The following XKR9 variants were observed in gnomAD, a reference collection of about 807,000 sequenced individuals.
The protein encoded by XKR9 is XK related 9.
A neutral mutation model predicts 32.0 loss-of-function variants in XKR9; 32 were observed. The observed-to-expected ratio is 1.00, with a 90% CI of 0.76 to 1.34. XKR9 has a LOEUF of 1.34. Ranked by LOEUF, XKR9 falls within the 40% of genes most tolerant of loss-of-function variation. The probability of loss-of-function intolerance (pLI) is 0.00; values close to 1 mark genes in which losing one functional copy is unlikely to be tolerated. For missense variants in XKR9, 546 were observed against 429.7 expected (o/e 1.27, Z -2.39); for synonymous variants, 168 against 143.4 (o/e 1.17, Z -1.22).
At chr8:70,898,393 T>C in the XKR9 span, among the ~76,000 whole-genome samples, 2 of 152,220 alleles carry the variant, frequency 1.3e-5, no homozygotes, top group Non-Finnish European at 2.9e-5. Context: ...CAGCTTTGGC[T>C]ATTCTGGGTC....
intron 4 of XKR9, among the ~76,000 whole-genome samples, chr8:70,714,702 G>C (rs1167412805): frequency 6.6e-6 from 1 of 152,004 alleles, no homozygotes; most frequent in East Asian, 1.9e-4. Flanking sequence ...TAGGTAAAGT[G>C]ACTAATTTTA....
chr8:70,771,590 GC>G (rs1413764672), intron 2 of XKR9, among the ~76,000 whole-genome samples: 2 of 152,278 alleles, frequency 1.3e-5, no homozygotes, highest in East Asian at 3.9e-4. Context: ...AAAATATTAT[GC>G]TTTTTTCCCC....
intron 2 of XKR9, among the ~76,000 whole-genome samples, chr8:70,753,402 C>T (rs1807170934): frequency 6.6e-6 from 1 of 152,000 alleles, no homozygotes; most frequent in African/African-American, 2.4e-5. Flanking sequence ...GGAATCCTCC[C>T]TAACTCATTT....
At chr8:70,948,036 G>T in the XKR9 span, among the ~76,000 whole-genome samples, 10 of 152,200 alleles carry the variant, frequency 6.6e-5, no homozygotes, top group South Asian at 2.1e-4. Flanking sequence ...TTTTACAAAA[G>T]TAGGAACAAA....
chr8:70,741,392 G>T (rs1176587085), intron 2 of XKR9, among the ~76,000 whole-genome samples: 4 of 152,174 alleles, frequency 2.6e-5, no homozygotes, highest in Non-Finnish European at 5.9e-5. Context: ...GCCTTCCCAG[G>T]CTCTGAAACC....
At chr8:70,687,381 CTT>C (rs1336359840) in intron 3 of XKR9, among the ~76,000 whole-genome samples, 1 of 114,986 alleles carries the variant, frequency 8.7e-6, no homozygotes, top group Admixed American at 8.7e-5. Context: ...CTTTCTCTTT[CTT>C]TCTCTTTCTC....
chr8:70,998,839 C>T, the XKR9 span, among the ~76,000 whole-genome samples: 8 of 152,164 alleles, frequency 5.3e-5, no homozygotes, highest in Non-Finnish European at 8.8e-5. Context: ...CATGACCAGT[C>T]CCCGTGTTAC....
At chr8:71,058,870 A>C in the XKR9 span, among the ~76,000 whole-genome samples, 4 of 146,212 alleles carry the variant, frequency 2.7e-5, no homozygotes, top group Non-Finnish European at 4.4e-5. Context: ...TAGAATAAAC[A>C]TAGGCTAATA....
chr8:71,001,372 C>T, the XKR9 span, among the ~76,000 whole-genome samples: 1 of 152,112 alleles, frequency 6.6e-6, no homozygotes, highest in Admixed American at 6.6e-5. Context: ...GGTGATTCTC[C>T]CACCTCAGCC....
rs200732845 is a variant in XKR9 at position 70,707,147 on chromosome 8, A to G, written c.487A>G (p.Ser163Gly). ...ILLEHGQANF[S>G]QYAAIMVSCC... is the part of the protein sequence containing the mutation. ...TCTGGAGCATGGACAAGCGAATTTC[A>G]GTCAGTGTAAGTTTTTCTTAACTCC... The change falls in exon 4 of 5, where the codon AGT becomes GGT. Residue 163 changes from serine (S) to glycine (G), a missense_variant. Transcript: ENST00000408926. 3 of 1,612,380 alleles carry G rather than the reference A, an allele frequency of 1.9e-6. No individual in the cohort carries two copies. Among genetic ancestry groups the G allele is most frequent in the South Asian group, 1.1e-5 (1 of 90,926 alleles).
chr8:70,885,875 C>A, the XKR9 span, among the ~76,000 whole-genome samples: 1 of 151,928 alleles, frequency 6.6e-6, no homozygotes, highest in African/African-American at 2.4e-5. Flanking sequence ...GGATTACAGG[C>A]GTGAGCCATT....
chr8:70,918,043 A>C, the XKR9 span, among the ~76,000 whole-genome samples: 1 of 152,268 alleles, frequency 6.6e-6, no homozygotes, highest in Admixed American at 6.5e-5. Context: ...GGGTAGGATC[A>C]GCAGAAATTG....
At chr8:70,847,353 G>T in the XKR9 span, among the ~76,000 whole-genome samples, 1 of 151,834 alleles carries the variant, frequency 6.6e-6, no homozygotes, top group Non-Finnish European at 1.5e-5. Context: ...AGTTCTATAA[G>T]GAAGTTTATA....
At chr8:70,948,853 CA>C in the XKR9 span, among the ~76,000 whole-genome samples, 1 of 152,148 alleles carries the variant, frequency 6.6e-6, no homozygotes, top group Admixed American at 6.5e-5. Flanking sequence ...TAATGTGGTT[CA>C]GTTATATTTT....
intron 1 of XKR9, chr8:70,670,520 T>TAAAAA (rs746456973): frequency 6.6e-6 from 1 of 151,238 alleles, no homozygotes; most frequent in African/African-American, 2.4e-5. Flanking sequence ...TTTTTTTTTT[T>TAAAAA]AAAAAAAGGT....
the XKR9 span, among the ~76,000 whole-genome samples, chr8:70,880,740 A>G: frequency 2.6e-5 from 4 of 152,150 alleles, no homozygotes; most frequent in African/African-American, 7.2e-5. Flanking sequence ...CAAGCTACCA[A>G]TGACTTTCTT....
At chr8:70,946,837 C>T in the XKR9 span, among the ~76,000 whole-genome samples, 8 of 152,090 alleles carry the variant, frequency 5.3e-5, no homozygotes, top group East Asian at 1.9e-4. Context: ...ATTCACAACT[C>T]GTTTTAATTA....
At chr8:70,797,141 G>A in the XKR9 span, among the ~76,000 whole-genome samples, 2 of 152,178 alleles carry the variant, frequency 1.3e-5, no homozygotes, top group Non-Finnish European at 2.9e-5. Context: ...ACTTCAGTCT[G>A]TTGTTTTATC....
the XKR9 span, among the ~76,000 whole-genome samples, chr8:70,863,897 A>G: frequency 6.6e-6 from 1 of 152,210 alleles, no homozygotes; most frequent in East Asian, 1.9e-4. Flanking sequence ...TACTATACCA[A>G]TGTAGTAATT....
Sources: gnomAD v4.1 joint callset for allele counts (sites outside exome capture counted in the v4.1 genomes callset) on GRCh38, gnomAD v4.1.1 for gene constraint, MANE v1.5 for transcripts, NCBI Gene and HGNC (gene_info 2026-07-23, HGNC 2026-07-21) for gene names.